Variants in ADAMTS19 observed in about 807,000 individuals in gnomAD.
ADAMTS19 encodes the protein ADAM metallopeptidase with thrombospondin type 1 motif 19.
Under a neutral mutation model 153.3 loss-of-function variants are expected in ADAMTS19, and 93 were observed. The ratio of observed to expected loss-of-function variants is 0.61; its 90% CI spans 0.51 to 0.72. The LOEUF (loss-of-function observed/expected upper bound fraction) is 0.72, where lower values mean the gene tolerates loss of function less well. ADAMTS19 is among the 30% of genes least tolerant of loss of function. The pLI is 0.00. For synonymous variants in ADAMTS19, 600 were observed against 556.6 expected, an observed-to-expected ratio of 1.08 and a Z score of -1.10; for missense variants, 1,482 against 1,552.1, an observed-to-expected ratio of 0.95 and a Z score of 0.76.
chr5:129,704,428 CAAT>C, intron 21 of ADAMTS19, 37 bp downstream of exon 21: 1 of 1,597,130 alleles, frequency 6.3e-7, no homozygotes, highest in Non-Finnish European at 8.5e-7. Flanking sequence ...TAATAGGTTT[CAAT>C]AATGTCAGCA....
intron 8 of ADAMTS19, among the ~76,000 whole-genome samples, chr5:129,596,887 C>G (rs1028037667): frequency 5.3e-5 from 8 of 152,120 alleles, no homozygotes; most frequent in Admixed American, 2.6e-4. Flanking sequence ...ATTAAAATCC[C>G]TATCAAGACA....
intron 18 of ADAMTS19, among the ~76,000 whole-genome samples, chr5:129,685,384 C>T (rs959485584): frequency 1.3e-5 from 2 of 151,500 alleles, no homozygotes; most frequent in Non-Finnish European, 2.9e-5. Context: ...GAAAAAAAAA[C>T]ATGCAGGAGA....
chr5:129,608,140 A>ATATATAT (rs1164899419), intron 8 of ADAMTS19, among the ~76,000 whole-genome samples: 51 of 132,858 alleles, frequency 3.8e-4, no homozygotes, highest in East Asian at 8.9e-4. Flanking sequence ...ATATATATAT[A>ATATATAT]ATGGAACATT....
At chr5:129,658,590 T>C in intron 14 of ADAMTS19, 27 bp from the exon 15 acceptor site, 1 of 1,607,494 alleles carries the variant, frequency 6.2e-7, no homozygotes, top group Non-Finnish European at 8.5e-7. Flanking sequence ...CTGCTATTTA[T>C]GATGTGCTGT....
chr5:129,692,480 G>C (rs1225171474), intron 18 of ADAMTS19, among the ~76,000 whole-genome samples: 1 of 152,150 alleles, frequency 6.6e-6, no homozygotes, highest in East Asian at 1.9e-4. Context: ...GAATAGCATG[G>C]ACAGCTTCTA....
chr5:129,689,412 T>A (rs997808615), intron 18 of ADAMTS19, among the ~76,000 whole-genome samples: 2 of 152,144 alleles, frequency 1.3e-5, no homozygotes, highest in Non-Finnish European at 2.9e-5. Context: ...AAGGGTGTGA[T>A]TTGTTCTGTT....
At position 129,641,673 on chromosome 5, in the gene ADAMTS19, C is replaced by A. The variant is rs559099477; in HGVS notation, c.1771-186C>A. On this transcript the variant is annotated intron_variant, in intron 10 of 22. Coordinates refer to ENST00000274487, the MANE Select transcript of ADAMTS19 (RefSeq NM_133638.6). The stretch of plus-strand genomic sequence containing the variant: ...GATTTTTCTATCATTATGTATCAAT[C>A]TTCCCATCACTATAAATGAGCCCTA... Among the ~76,000 whole-genome samples, 43 of 152,104 alleles carry A rather than the reference C, an allele frequency of 2.8e-4. No individual in the cohort carries two copies. In the South Asian group the frequency reaches 4.8e-3, roughly 17 times the overall value.
At chr5:129,547,756 A>G (rs1432945570) in intron 6 of ADAMTS19, among the ~76,000 whole-genome samples, 1 of 150,534 alleles carries the variant, frequency 6.6e-6, no homozygotes, top group South Asian at 2.1e-4. Context: ...GAGGCATCAC[A>G]CTACCTGACT....
chr5:129,497,226 C>T (rs1750953529), intron 2 of ADAMTS19, among the ~76,000 whole-genome samples: 2 of 152,008 alleles, frequency 1.3e-5, no homozygotes, highest in African/African-American at 2.4e-5. Context: ...AAAAAAAAAT[C>T]AACCTTATAC....
intron 7 of ADAMTS19, among the ~76,000 whole-genome samples, chr5:129,556,005 T>C (rs1753298348): frequency 6.6e-6 from 1 of 152,196 alleles, no homozygotes. Flanking sequence ...ATGTTAATGT[T>C]ACAGAATATT....
At chr5:129,495,610 G>T (rs1000108171) in intron 2 of ADAMTS19, among the ~76,000 whole-genome samples, 30 of 152,038 alleles carry the variant, frequency 2.0e-4, no homozygotes, top group Admixed American at 1.9e-3. Flanking sequence ...TCAGAGTAGT[G>T]ATTACTCTAC....
intron 10 of ADAMTS19, among the ~76,000 whole-genome samples, chr5:129,631,164 T>G (rs1368033411): frequency 2.1e-5 from 3 of 145,886 alleles, no homozygotes; most frequent in Admixed American, 6.7e-5. Flanking sequence ...TTTTAGGTTT[T>G]TTTTTTTTTT....
intron 21 of ADAMTS19, among the ~76,000 whole-genome samples, chr5:129,733,780 T>C (rs1411339548): frequency 6.6e-6 from 1 of 151,976 alleles, no homozygotes; most frequent in Non-Finnish European, 1.5e-5. Flanking sequence ...AGAACTACCA[T>C]TTGACTCAGC....
intron 7 of ADAMTS19, among the ~76,000 whole-genome samples, chr5:129,559,627 C>A (rs1217669984): frequency 6.6e-6 from 1 of 152,104 alleles, no homozygotes; most frequent in South Asian, 2.1e-4. Context: ...TACAACTTGA[C>A]GTCATTAATT....
At position 129,631,391 on chromosome 5, in the gene ADAMTS19, C is replaced by G. The variant is rs1244160834; in HGVS notation, c.1770+9043C>G. 2.0e-5 allele frequency among the ~76,000 whole-genome samples: 3 copies of G among 151,670 alleles called. No homozygotes were observed. The South Asian group carries it at 6.2e-4, about 31-fold the overall frequency. ...AGGTTATTAATAGAGTTATACAAAT[C>G]GTCTTTTATTATGTGTATGGATGTT... On this transcript the variant is annotated intron_variant, in intron 10 of 22. Transcript: ENST00000274487.
At chr5:129,579,740 G>A (rs1334868771) in intron 7 of ADAMTS19, among the ~76,000 whole-genome samples, 1 of 152,104 alleles carries the variant, frequency 6.6e-6, no homozygotes, top group African/African-American at 2.4e-5. Context: ...AAGATGAAAT[G>A]GCTGTAGATG....
chr5:129,523,546 G>A (rs1475306445), intron 3 of ADAMTS19, among the ~76,000 whole-genome samples: 1 of 152,124 alleles, frequency 6.6e-6, no homozygotes, highest in Non-Finnish European at 1.5e-5. Flanking sequence ...TCTTAAACTT[G>A]ATTGTACACA....
chr5:129,694,799 C>T lies in ADAMTS19; in HGVS notation c.2898C>T (p.Tyr966=), dbSNP rs1032246095. 5.6e-6 allele frequency: 9 copies of T among 1,606,540 alleles called. No individual in the cohort carries two copies. Among genetic ancestry groups the T allele is most frequent in the Non-Finnish European group, 7.7e-6 (9 of 1,176,276 alleles). The part of the protein sequence containing the change: ...ISIVDNEKCK[Y]LTKPEPQIRK... ...TTGTGGACAATGAGAAATGCAAATA[C>T]TTAACCAAGCCAGAGCCACAGATTC... The change falls in exon 19 of 23, where the codon TAC becomes TAT. Residue 966 remains tyrosine, a synonymous_variant. Transcript: ENST00000274487.
chr5:129,549,258 C>T (rs992468614), intron 6 of ADAMTS19, among the ~76,000 whole-genome samples: 1 of 148,172 alleles, frequency 6.7e-6, no homozygotes, highest in Non-Finnish European at 1.5e-5. Context: ...AATAGAAATC[C>T]AAACATATCA....
Sources: gnomAD v4.1 joint callset for allele counts (sites outside exome capture counted in the v4.1 genomes callset) on GRCh38, gnomAD v4.1.1 for gene constraint, MANE v1.5 for transcripts, NCBI Gene and HGNC (gene_info 2026-07-23, HGNC 2026-07-21) for gene names.